LINGO2: variants seen among roughly 807,000 people sequenced by gnomAD.
LINGO2 encodes the protein leucine rich repeat and Ig domain containing 2, also known as leucine-rich repeat and immunoglobulin-like domain-containing nogo receptor-interacting protein 2.
LINGO2 carries 14 observed loss-of-function variants against 30.6 expected under a neutral mutation model. The observed-to-expected ratio is 0.46, with a 90% CI of 0.30 to 0.72. LINGO2 has a LOEUF of 0.72. Among genes scored for constraint, LINGO2 ranks in the 30% least tolerant of loss-of-function variants. The pLI, the probability that LINGO2 is intolerant of heterozygous loss-of-function variation, is 0.07. For missense variants in LINGO2, 729 were observed against 751.7 expected, an observed-to-expected ratio of 0.97 and a Z score of 0.35; for synonymous variants, 317 against 288.5, an observed-to-expected ratio of 1.10 and a Z score of -1.00.
At chr9:28,920,705 T>C in the LINGO2 span, among the ~76,000 whole-genome samples, 1 of 137,560 alleles carries the variant, frequency 7.3e-6, no homozygotes, top group East Asian at 2.2e-4. Context: ...TCAGAGCCGG[T>C]GGCCTTTGTT....
chr9:29,049,915 CTT>C, the LINGO2 span, among the ~76,000 whole-genome samples: 1 of 152,086 alleles, frequency 6.6e-6, no homozygotes, highest in Non-Finnish European at 1.5e-5. Flanking sequence ...TCAATAATAA[CTT>C]AATTATACAT....
chr9:29,047,904 GA>G, the LINGO2 span, among the ~76,000 whole-genome samples: 8,953 of 152,052 alleles, frequency 0.059, 390 homozygotes, highest in Non-Finnish European at 0.075. Flanking sequence ...AGGAGTTTGA[GA>G]CCAGCCTGGC....
At chr9:29,038,470 C>T in the LINGO2 span, among the ~76,000 whole-genome samples, 3,340 of 152,024 alleles carry the variant, frequency 0.022, 49 homozygotes, top group South Asian at 0.056. Flanking sequence ...TCTTTATTGG[C>T]TCCTGAATGC....
At chr9:28,390,253 G>C (rs182469166) in intron 2 of LINGO2, among the ~76,000 whole-genome samples, 1 of 152,186 alleles carries the variant, frequency 6.6e-6, no homozygotes, top group African/African-American at 2.4e-5. Context: ...GCATCCAGCA[G>C]ATGACTACAA....
chr9:28,427,132 G>T (rs113628122), intron 2 of LINGO2, among the ~76,000 whole-genome samples: 2 of 151,904 alleles, frequency 1.3e-5, no homozygotes, highest in Non-Finnish European at 2.9e-5. Flanking sequence ...TTTAAAAACC[G>T]CACATGAGCA....
intron 4 of LINGO2, among the ~76,000 whole-genome samples, chr9:28,073,954 A>C (rs1200779277): frequency 3.9e-5 from 6 of 152,188 alleles, no homozygotes; most frequent in Non-Finnish European, 8.8e-5. Flanking sequence ...TCAAAATACC[A>C]GTATTCATTC....
chr9:28,626,920 T>C (rs7848685), intron 1 of LINGO2, among the ~76,000 whole-genome samples: 38,370 of 151,854 alleles, frequency 0.25, 5,938 homozygotes, highest in African/African-American at 0.41. Flanking sequence ...TTTTACAGCC[T>C]TTGTTTGCTA....
chr9:28,037,563 G>GT (rs1415897120), intron 4 of LINGO2, among the ~76,000 whole-genome samples: 2 of 152,014 alleles, frequency 1.3e-5, no homozygotes, highest in African/African-American at 4.8e-5. Context: ...TATTCTTGCT[G>GT]TTTCACACTG....
At chr9:28,210,788 G>T (rs895430469) in intron 4 of LINGO2, among the ~76,000 whole-genome samples, 1 of 149,420 alleles carries the variant, frequency 6.7e-6, no homozygotes, top group African/African-American at 2.5e-5. Context: ...GATATTTGGA[G>T]AAATATTATA....
chr9:27,967,121 AG>A (rs1416527233), intron 5 of LINGO2, among the ~76,000 whole-genome samples: 2 of 152,208 alleles, frequency 1.3e-5, no homozygotes, highest in African/African-American at 4.8e-5. Flanking sequence ...CAGACAAGAT[AG>A]CTGTCTTAAA....
the LINGO2 span, among the ~76,000 whole-genome samples, chr9:29,027,747 G>A: frequency 6.6e-6 from 1 of 152,122 alleles, no homozygotes; most frequent in Non-Finnish European, 1.5e-5. Flanking sequence ...AAGCTTTTAT[G>A]TCAAATAGAT....
intron 4 of LINGO2, among the ~76,000 whole-genome samples, chr9:28,142,956 T>C (rs1827715357): frequency 6.6e-6 from 1 of 152,152 alleles, no homozygotes; most frequent in Admixed American, 6.5e-5. Flanking sequence ...TGCTGGTCTA[T>C]GGGGAGTTTT....
chr9:28,155,511 A>T (rs1392087630), intron 4 of LINGO2, among the ~76,000 whole-genome samples: 1 of 152,216 alleles, frequency 6.6e-6, no homozygotes, highest in Admixed American at 6.5e-5. Context: ...TCCTGCTTGA[A>T]AGCTTTGAAC....
At chr9:28,557,577 A>G (rs1822791957) in intron 1 of LINGO2, among the ~76,000 whole-genome samples, 1 of 151,972 alleles carries the variant, frequency 6.6e-6, no homozygotes, top group Non-Finnish European at 1.5e-5. Flanking sequence ...ACCATTGTGG[A>G]AGTCAGTGTG....
chr9:29,174,248 T>C, the LINGO2 span, among the ~76,000 whole-genome samples: 1 of 152,186 alleles, frequency 6.6e-6, no homozygotes, highest in Non-Finnish European at 1.5e-5. Context: ...CTGTATGCCA[T>C]GTGTTTTCAT....
the LINGO2 span, among the ~76,000 whole-genome samples, chr9:28,838,508 A>C: frequency 2.0e-5 from 3 of 152,216 alleles, no homozygotes; most frequent in African/African-American, 4.8e-5. Context: ...AATATGTCCC[A>C]AAACCAAAAG....
intron 4 of LINGO2, among the ~76,000 whole-genome samples, chr9:28,108,472 A>G (rs1445803023): frequency 6.6e-6 from 1 of 152,120 alleles, no homozygotes; most frequent in African/African-American, 2.4e-5. Flanking sequence ...GATCTTTTAT[A>G]CTCACTCCAT....
chr9:28,221,440 T>C (rs1820964664), intron 4 of LINGO2, among the ~76,000 whole-genome samples: 2 of 152,034 alleles, frequency 1.3e-5, no homozygotes, highest in African/African-American at 4.8e-5. Context: ...AATCATCATG[T>C]TTTACGCAGT....
At chr9:28,405,855 TTTA>T (rs1422218640) in intron 2 of LINGO2, among the ~76,000 whole-genome samples, 7 of 152,190 alleles carry the variant, frequency 4.6e-5, no homozygotes, top group Non-Finnish European at 1.0e-4. Context: ...TTCCTTCCTT[TTTA>T]TTTTTTATTT....
Sources: gnomAD v4.1 joint callset for allele counts (sites outside exome capture counted in the v4.1 genomes callset) on GRCh38, gnomAD v4.1.1 for gene constraint, MANE v1.5 for transcripts, NCBI Gene and HGNC (gene_info 2026-07-23, HGNC 2026-07-21) for gene names.